COL21A1: variants seen among roughly 807,000 people sequenced by gnomAD.
COL21A1 encodes collagen alpha-1(XXI) chain.
Under a neutral mutation model 137.9 loss-of-function variants are expected in COL21A1, and 149 were observed. The observed-to-expected ratio is 1.08, with a 90% CI of 0.95 to 1.24. The LOEUF (loss-of-function observed/expected upper bound fraction) is 1.24. Among genes scored for constraint, COL21A1 ranks in the 50% most tolerant of loss-of-function variants. The probability of loss-of-function intolerance (pLI) is 0.00; values close to 1 mark genes in which losing one functional copy is unlikely to be tolerated. For synonymous variants in COL21A1, 456 were observed against 391.5 expected (o/e 1.16, Z -1.95); for missense variants, 1,167 against 1,158.4 (o/e 1.01, Z -0.11).
chr6:56,384,734 G>C (rs987124109), intron 1 of COL21A1, among the ~76,000 whole-genome samples: 1 of 152,128 alleles, frequency 6.6e-6, no homozygotes, highest in Admixed American at 6.6e-5. Flanking sequence ...CCAGCCTGGA[G>C]AGAAGACTCA....
intron 1 of COL21A1, among the ~76,000 whole-genome samples, chr6:56,255,418 G>T (rs1040933427): frequency 6.6e-6 from 1 of 151,474 alleles, no homozygotes; most frequent in Non-Finnish European, 1.5e-5. Flanking sequence ...TGCATAGAGC[G>T]CTGTGAAGGG....
chr6:56,380,530 AC>A (rs1445861556), intron 1 of COL21A1, among the ~76,000 whole-genome samples: 1 of 152,154 alleles, frequency 6.6e-6, no homozygotes, highest in Admixed American at 6.5e-5. Flanking sequence ...TAATCTTCAA[AC>A]CAATACTCAC....
intron 9 of COL21A1, among the ~76,000 whole-genome samples, chr6:56,160,856 A>G (rs1776143495): frequency 1.3e-5 from 2 of 152,212 alleles, no homozygotes; most frequent in African/African-American, 4.8e-5. Flanking sequence ...AAACTTTGGA[A>G]TACTTCATAT....
At chr6:56,066,486 A>G (rs1425504206) in intron 23 of COL21A1, among the ~76,000 whole-genome samples, 1 of 151,950 alleles carries the variant, frequency 6.6e-6, no homozygotes, top group Admixed American at 6.6e-5. Flanking sequence ...AGCAAAGCTC[A>G]GACACTATCA....
chr6:56,339,544 C>T (rs1471248108), intron 1 of COL21A1, among the ~76,000 whole-genome samples: 1 of 132,544 alleles, frequency 7.5e-6, no homozygotes, highest in African/African-American at 2.7e-5. Flanking sequence ...TGTTGATAGT[C>T]AATATTACCA....
intron 1 of COL21A1, among the ~76,000 whole-genome samples, chr6:56,308,809 A>G (rs1267346279): frequency 1.3e-5 from 2 of 152,210 alleles, no homozygotes; most frequent in African/African-American, 2.4e-5. Flanking sequence ...CAGTAGCCTC[A>G]TGTGGCTAGT....
intron 1 of COL21A1, among the ~76,000 whole-genome samples, chr6:56,298,507 G>A (rs1764209372): frequency 6.6e-6 from 1 of 151,934 alleles, no homozygotes; most frequent in Non-Finnish European, 1.5e-5. Flanking sequence ...GTGCAACTGG[G>A]AGCCAGACAT....
intron 18 of COL21A1, among the ~76,000 whole-genome samples, chr6:56,076,086 T>C (rs573518330): frequency 6.6e-6 from 1 of 151,492 alleles, no homozygotes; most frequent in East Asian, 2.0e-4. Context: ...ATTATGAGAA[T>C]TTGAACTATA....
chr6:56,319,027 A>G (rs1301616057), intron 1 of COL21A1, among the ~76,000 whole-genome samples: 1 of 152,070 alleles, frequency 6.6e-6, no homozygotes. Context: ...ATGTTTGATC[A>G]AATAGTCAAT....
At chr6:56,340,179 TC>T (rs1167948873) in intron 1 of COL21A1, among the ~76,000 whole-genome samples, 1 of 152,188 alleles carries the variant, frequency 6.6e-6, no homozygotes, top group East Asian at 1.9e-4. Context: ...GAGCCCCACC[TC>T]ACCCCTCCCG....
intron 1 of COL21A1, among the ~76,000 whole-genome samples, chr6:56,335,444 C>A (rs1413648930): frequency 6.6e-6 from 1 of 152,094 alleles, no homozygotes; most frequent in Middle Eastern, 3.2e-3. Flanking sequence ...ACAATCGGCC[C>A]GAAATAGCCA....
chr6:56,203,590 G>C (rs1345199321), intron 1 of COL21A1, among the ~76,000 whole-genome samples: 1 of 152,190 alleles, frequency 6.6e-6, no homozygotes, highest in Non-Finnish European at 1.5e-5. Flanking sequence ...AAAATCTACT[G>C]GGATTAGATC....
In COL21A1 at chr6:56,276,869, C is replaced by T. The variant is rs1206730382; in HGVS notation, c.-38-94213G>A. 4 of 566,074 alleles carry T rather than the reference C, an allele frequency of 7.1e-6. No homozygotes were observed. The East Asian group carries it at 1.3e-4, about 18-fold the overall frequency. The allele number at this position is 566,074 out of a possible 1,614,324, so 35.1% of individuals were successfully genotyped here. A position where few individuals can be genotyped will look rare whatever the true frequency, so the allele number is the denominator to read the frequency against. On this transcript the variant is annotated intron_variant, in intron 1 of 28. Coordinates refer to the COL21A1 transcript ENST00000370819. ...TGTCGCCCAGGCTGGAGTGCAGTGA[C>T]GCGGTCCAGCTCACTGCAAGCTCTG...
chr6:56,142,105 A>C, intron 10 of COL21A1, 122 bp from the exon 11 acceptor site: 2 of 667,176 alleles, frequency 3.0e-6, no homozygotes, highest in Non-Finnish European at 5.0e-6. Flanking sequence ...TTAGAGACAA[A>C]TCCAAAATAA....
intron 1 of COL21A1, among the ~76,000 whole-genome samples, chr6:56,332,753 C>T (rs571444511): frequency 6.6e-6 from 1 of 151,788 alleles, no homozygotes; most frequent in South Asian, 2.1e-4. Flanking sequence ...TTATAATTTG[C>T]TTTTGTGTGA....
At chr6:56,364,200 T>C (rs1029048219) in intron 1 of COL21A1, among the ~76,000 whole-genome samples, 4 of 152,102 alleles carry the variant, frequency 2.6e-5, no homozygotes, top group African/African-American at 7.2e-5. Context: ...TTAAATTCTT[T>C]GTAATTGGCA....
chr6:56,086,432 G>A (rs1300076762), intron 17 of COL21A1, among the ~76,000 whole-genome samples: 1 of 148,764 alleles, frequency 6.7e-6, no homozygotes. Context: ...TACGTGTTTT[G>A]GATGTTATAT....
chr6:56,167,102 G>T, intron 6 of COL21A1, 119 bp from the exon 7 acceptor site: 1 of 697,678 alleles, frequency 1.4e-6, no homozygotes, highest in Non-Finnish European at 2.5e-6. Flanking sequence ...TTACATCACA[G>T]CATTTAGCTA....
intron 1 of COL21A1, among the ~76,000 whole-genome samples, chr6:56,292,205 T>C (rs780523486): frequency 6.6e-6 from 1 of 152,068 alleles, no homozygotes; most frequent in Non-Finnish European, 1.5e-5. Context: ...GTATTTTCAA[T>C]GGGATGAAGA....
Sources: gnomAD v4.1 joint callset for allele counts (sites outside exome capture counted in the v4.1 genomes callset) on GRCh38, gnomAD v4.1.1 for gene constraint, MANE v1.5 for transcripts, NCBI Gene and HGNC (gene_info 2026-07-23, HGNC 2026-07-21) for gene names.